The following PSG7 variants were observed in gnomAD, a reference collection of about 807,000 sequenced individuals.
PSG7 encodes pregnancy-specific beta-1-glycoprotein 7.
PSG7 carries 57 observed loss-of-function variants against 45.6 expected under a neutral mutation model. The ratio of observed to expected loss-of-function variants is 1.25; its 90% CI spans 1.01 to 1.56. PSG7 has a LOEUF of 1.56. Ranked by LOEUF, PSG7 falls within the 40% of genes most tolerant of loss-of-function variation. The pLI is 0.00. For synonymous variants in PSG7, 298 were observed against 194.4 expected (o/e 1.53, Z -4.43); for missense variants, 796 against 508.4 (o/e 1.57, Z -5.44).
chr19:42,933,307 A>ATATATATTTTTTTTT (rs56691588), intron 2 of PSG7, among the ~76,000 whole-genome samples: 3 of 13,506 alleles, frequency 2.2e-4, no homozygotes, highest in African/African-American at 1.7e-4. Flanking sequence ...ATATATATAT[A>ATATATATTTTTTTTT]TTTTTTTTTT....
intron 1 of PSG7, among the ~76,000 whole-genome samples, chr19:42,936,759 T>C (rs1196720166): frequency 6.6e-6 from 1 of 151,432 alleles, no homozygotes; most frequent in Non-Finnish European, 1.5e-5. Flanking sequence ...GTGATTCTCC[T>C]GCCTCAGCCT....
chr19:42,935,481 C>T lies in PSG7; in HGVS notation c.353G>A (p.Gly118Glu), dbSNP rs1251685170. 6.2e-7 allele frequency: 1 copy of T among 1,612,002 alleles called. No individual in the cohort carries two copies. The highest frequency in any genetic ancestry group is 1.3e-5 in the African/African-American group (1 of 74,612). The part of the protein sequence containing the change: ...LIQNVTQEDT[G>E]SYTLHIIKRG... ...CTTTATGATGTGTAAAGTGTAGGAT[C>T]CTGTGTCTTCCTGGGTGACATTCTG... The change falls in exon 2 of 6, where the codon GGA becomes GAA. Residue 118 changes from glycine to glutamate, a missense_variant. Gly to Glu is a moderately conservative substitution (Grantham distance 98). Transcript: ENST00000406070.
chr19:42,936,977 C>G lies in PSG7; in HGVS notation c.64+36G>C, dbSNP rs565259300. ...AGACCCCATCCAGTCACTCTGCTTC[C>G]TTTTCCTGTCCTCTCCCAGGAAGTT... On this transcript the variant is annotated intron_variant, in intron 1 of 5. Transcript: ENST00000406070. 77 of 1,607,630 alleles carry G rather than the reference C, an allele frequency of 4.8e-5. 2 individuals carry two copies. The highest frequency in any genetic ancestry group is 6.4e-5 in the Non-Finnish European group (75 of 1,175,572).
At chr19:42,931,270 A>T (rs1006686645) in intron 2 of PSG7, among the ~76,000 whole-genome samples, 2 of 151,596 alleles carry the variant, frequency 1.3e-5, no homozygotes, top group Non-Finnish European at 2.9e-5. Context: ...ATTTCTCTTG[A>T]GACGAAAATG....
At position 42,925,895 on chromosome 19, in the gene PSG7, A is replaced by T. The variant is rs1380936369; in HGVS notation, c.1121T>A (p.Leu374Gln). The T allele has an allele frequency of 3.1e-6, 5 of 1,612,044 alleles. No individual in the cohort carries two copies. Among genetic ancestry groups the T allele is most frequent in the African/African-American group, 1.3e-5 (1 of 74,632 alleles). The stretch of plus-strand genomic sequence containing the variant: ...GGGGATAGAAAGCTTTTGTCCTGAT[A>T]GCTGAAACTTCCCATTAATTGTCCA... ...YSWTINGKFQ[L>Q]SGQKLSIPQI... is the part of the protein sequence containing the mutation. The change falls in exon 5 of 6, where the codon CTA becomes CAA. Residue 374 changes from leucine (L) to glutamine (Q), a missense_variant. Transcript: ENST00000406070.
Position 42,929,454 on chromosome 19 carries a change from G to T in PSG7, c.697C>A (p.Leu233Met). ...VSASRSDPVT[L>M]NLLPKLPKPY... ...AGAAGATACTCACGGAGGAGATTCA[G>T]GGTGACTGGGTCACTGCGGCTGGCA... Residue 233 changes from leucine (L) to methionine (M), a missense_variant, in exon 3 of 6, where the codon CTG becomes ATG. By Grantham distance (15) the Leu-to-Met change is conservative. Coordinates refer to ENST00000406070, the MANE Select transcript of PSG7 (RefSeq NM_002783.3). 8 of 1,612,466 alleles carry T rather than the reference G, an allele frequency of 5.0e-6. 1 individual carries two copies. The highest frequency in any genetic ancestry group is 6.8e-6 in the Non-Finnish European group (8 of 1,179,122).
chr19:42,935,877 C>CAG (rs1973141281), intron 1 of PSG7, 108 bp from the exon 2 acceptor site: 1 of 356,946 alleles, frequency 2.8e-6, no homozygotes, highest in African/African-American at 6.3e-5. Flanking sequence ...CTTGAAGACA[C>CAG]ACACACACAC....
chr19:42,926,254 C>G lies in PSG7; in HGVS notation c.988+184G>C. ...CAAGAGCGTCCACTCCCCTTATATT[C>G]TTGGTTAAGGCTGTGCCTACCCAGG... On this transcript the variant is annotated intron_variant, in intron 4 of 5. Coordinates refer to ENST00000406070, the MANE Select transcript of PSG7 (RefSeq NM_002783.3). 1.4e-6 allele frequency: 2 copies of G among 1,405,936 alleles called. 1 individual carries two copies. Among genetic ancestry groups the G allele is most frequent in the South Asian group, 3.0e-5 (2 of 67,380 alleles). The allele number at this position is 1,405,936 out of a possible 1,614,324, so 87.1% of individuals were successfully genotyped here.
chr19:42,925,377 A>T, intron 5 of PSG7: 1 of 411,668 alleles, frequency 2.4e-6, no homozygotes, highest in Non-Finnish European at 4.2e-6. Context: ...TAAATATTTC[A>T]ATTATCATTC....
chr19:42,927,968 T>A (rs533359874), intron 3 of PSG7, among the ~76,000 whole-genome samples: 1 of 151,850 alleles, frequency 6.6e-6, no homozygotes, highest in South Asian at 2.1e-4. Context: ...TGGTTAAGCA[T>A]CCCAAATCTG....
At position 42,934,941 on chromosome 19, in the gene PSG7, C is replaced by G. The variant is rs575933262; in HGVS notation, c.430+463G>C. Among the ~76,000 whole-genome samples the G allele has an allele frequency of 5.3e-4, 80 of 151,718 alleles. 2 individuals are homozygous for G. Among genetic ancestry groups the G allele is most frequent in the African/African-American group, 1.7e-3 (72 of 41,362 alleles). ...ATTCTTAGTCCCAGTAAGCCCTGCC[C>G]AAGAAACCATAACCCAGTCCTGGCA... is the stretch of plus-strand genomic sequence containing the variant. On this transcript the variant is annotated intron_variant, in intron 2 of 5. Coordinates refer to ENST00000406070, the MANE Select transcript of PSG7 (RefSeq NM_002783.3).
In PSG7 at chr19:42,924,286, A is replaced by G. The variant is rs1972478398; in HGVS notation, c.*522T>C. 3.2e-6 allele frequency: 1 copy of G among 308,446 alleles called. No individual in the cohort carries two copies. The highest frequency in any genetic ancestry group is 5.9e-6 in the Non-Finnish European group (1 of 169,496). The allele number at this position is 308,446 out of a possible 1,614,324, so 19.1% of individuals were successfully genotyped here. A position where few individuals can be genotyped will look rare whatever the true frequency, so the allele number is the denominator to read the frequency against. ...AGCTTTCCTACTCTTTATAGAAACC[A>G]TCTTCTCTGCAAACACACAGGCAAT... On this transcript the variant is annotated 3_prime_UTR_variant, in exon 6 of 6. Transcript: ENST00000406070.
intron 3 of PSG7, among the ~76,000 whole-genome samples, chr19:42,928,518 C>A (rs1398786989): frequency 6.6e-6 from 1 of 151,350 alleles, no homozygotes; most frequent in East Asian, 1.9e-4. Flanking sequence ...AAACTTATTC[C>A]AAAATATTTT....
Position 42,924,296 on chromosome 19 carries a change from C to A in PSG7, c.*512G>T, listed in dbSNP as rs1426808360. ...CTCTTTATAGAAACCATCTTCTCTG[C>A]AAACACACAGGCAATATCTCTGTGT... is the stretch of plus-strand genomic sequence containing the variant. On this transcript the variant is annotated 3_prime_UTR_variant, in exon 6 of 6. Transcript: ENST00000406070. 2 of 324,362 alleles carry A rather than the reference C, an allele frequency of 6.2e-6. No homozygotes were observed. Among genetic ancestry groups the A allele is most frequent in the African/African-American group, 2.1e-5 (1 of 46,630 alleles). 20.1% of individuals were successfully genotyped at this position (324,362 alleles called of 1,614,324 possible). A position where few individuals can be genotyped will look rare whatever the true frequency, so the allele number is the denominator to read the frequency against.
intron 3 of PSG7, among the ~76,000 whole-genome samples, chr19:42,928,251 TTG>T (rs1218667646): frequency 1.3e-5 from 2 of 151,630 alleles, no homozygotes; most frequent in African/African-American, 4.8e-5. Context: ...CTCAGTGTTT[TTG>T]TTGTGGCAGT....
chr19:42,937,042 T>A lies in PSG7; in HGVS notation c.35A>T (p.His12Leu), dbSNP rs200787873. 17 of 1,611,676 alleles carry A rather than the reference T, an allele frequency of 1.1e-5. 3 individuals carry two copies. Among genetic ancestry groups the A allele is most frequent in the Non-Finnish European group, 1.2e-5 (14 of 1,178,606 alleles). Residue 12 changes from histidine to leucine, a missense_variant, in exon 1 of 6, where the codon CAT (histidine) becomes CTT (leucine). Transcript: ENST00000406070. ...GPLSAPPCTQ[H>L]ITWKGLLLTA... ...GAGCAGGAGCCCTTTCCAGGTTATA[T>A]GCTGTGTGCAGGGAGGGGCTGAGAG...
chr19:42,935,284 C>T, intron 2 of PSG7, 120 bp downstream of exon 2: 1 of 1,492,526 alleles, frequency 6.7e-7, no homozygotes, highest in Non-Finnish European at 9.2e-7. Context: ...TGCCCAAACC[C>T]CAGCATGGGA....
chr19:42,924,881 G>C (rs896153085), intron 5 of PSG7, 57 bp from the exon 6 acceptor site: 3 of 763,614 alleles, frequency 3.9e-6, no homozygotes, highest in Non-Finnish European at 7.2e-6. Context: ...CTCATAACAG[G>C]TGTACTACGG....
chr19:42,929,866 T>C (rs1972982389), intron 2 of PSG7, 146 bp from the exon 3 acceptor site: 2 of 1,313,746 alleles, frequency 1.5e-6, no homozygotes, highest in Admixed American at 2.3e-5. Context: ...ACAAGACAGA[T>C]GCATGGCAAT....
Sources: allele counts gnomAD v4.1 joint callset (sites outside exome capture counted in the v4.1 genomes callset), GRCh38; gene constraint gnomAD v4.1.1; transcripts MANE v1.5; gene names NCBI Gene and HGNC (gene_info 2026-07-23, HGNC 2026-07-21).